Variants in DLG2 observed in about 807,000 individuals in gnomAD.
DLG2 encodes the protein disks large homolog 2.
Under a neutral mutation model 132.5 loss-of-function variants are expected in DLG2, and 45 were observed. That is an observed-to-expected ratio of 0.34 (90% CI 0.27 to 0.44). The LOEUF (loss-of-function observed/expected upper bound fraction) is 0.44. Among genes scored for constraint, DLG2 ranks in the 20% least tolerant of loss-of-function variants. DLG2 has a pLI of 1.00. For synonymous variants in DLG2, 424 were observed against 419.6 expected, an observed-to-expected ratio of 1.01 and a Z score of -0.13; for missense variants, 1,045 against 1,196.9, an observed-to-expected ratio of 0.87 and a Z score of 1.87.
chr11:83,797,222 GAA>G (rs2153927145), intron 17 of DLG2, among the ~76,000 whole-genome samples: 1 of 86,674 alleles, frequency 1.2e-5, no homozygotes, highest in African/African-American at 6.2e-5. Context: ...TGAAGGAAAA[GAA>G]GAAGAAGAAG....
intron 4 of DLG2, among the ~76,000 whole-genome samples, chr11:85,249,033 T>A (rs1282585860): frequency 6.6e-6 from 1 of 152,104 alleles, no homozygotes; most frequent in Non-Finnish European, 1.5e-5. Flanking sequence ...GGATTTTTTT[T>A]AAAGAGTGTA....
At chr11:84,518,842 A>C (rs1380998043) in intron 7 of DLG2, among the ~76,000 whole-genome samples, 1 of 152,176 alleles carries the variant, frequency 6.6e-6, no homozygotes, top group African/African-American at 2.4e-5. Flanking sequence ...ATCCAAATCA[A>C]AGCTATGAAA....
At chr11:83,595,892 C>T (rs753373477) in intron 19 of DLG2, among the ~76,000 whole-genome samples, 10 of 152,076 alleles carry the variant, frequency 6.6e-5, no homozygotes, top group Non-Finnish European at 1.3e-4. Flanking sequence ...GAGATGATGT[C>T]GTAATAGGTG....
intron 6 of DLG2, among the ~76,000 whole-genome samples, chr11:84,669,753 G>A (rs1276951327): frequency 6.6e-6 from 1 of 152,132 alleles, no homozygotes; most frequent in African/African-American, 2.4e-5. Flanking sequence ...CAAATGGACT[G>A]TCAGAAGAAG....
intron 3 of DLG2, among the ~76,000 whole-genome samples, chr11:85,308,185 T>TAATATAAAAC (rs1362306426): frequency 2.1e-5 from 3 of 143,978 alleles, no homozygotes; most frequent in Admixed American, 6.9e-5. Context: ...TAAAATAAAA[T>TAATATAAAAC]AAAATAAAAT....
At chr11:83,692,416 A>T (rs2081148075) in intron 18 of DLG2, among the ~76,000 whole-genome samples, 1 of 152,256 alleles carries the variant, frequency 6.6e-6, no homozygotes, top group African/African-American at 2.4e-5. Context: ...TTCTGTTTAT[A>T]TGAAATGCCT....
chr11:83,628,676 G>A (rs143701241), intron 19 of DLG2, among the ~76,000 whole-genome samples: 330 of 152,204 alleles, frequency 2.2e-3, no homozygotes, highest in Middle Eastern at 0.02. Context: ...TCTGCATCAG[G>A]GATAACTGCC....
intron 22 of DLG2, among the ~76,000 whole-genome samples, chr11:83,476,824 T>C (rs147445723): frequency 7.9e-4 from 120 of 152,268 alleles, no homozygotes; most frequent in Non-Finnish European, 1.4e-3. Flanking sequence ...ATGGGGCTAT[T>C]AATGTAAAAC....
chr11:84,255,754 C>A (rs1000642569), intron 7 of DLG2, among the ~76,000 whole-genome samples: 39 of 151,826 alleles, frequency 2.6e-4, no homozygotes, highest in African/African-American at 9.0e-4. Flanking sequence ...TATGAAAAAT[C>A]TAGAACAAAA....
At chr11:85,433,900 T>C (rs1296521507) in intron 3 of DLG2, among the ~76,000 whole-genome samples, 1 of 152,168 alleles carries the variant, frequency 6.6e-6, no homozygotes, top group Non-Finnish European at 1.5e-5. Flanking sequence ...TACTGTAAAA[T>C]TGACCACATA....
intron 9 of DLG2, among the ~76,000 whole-genome samples, chr11:84,145,495 T>C (rs978885252): frequency 2.6e-5 from 4 of 152,210 alleles, no homozygotes; most frequent in Non-Finnish European, 4.4e-5. Flanking sequence ...ATTATAATCT[T>C]ATGGGACCAC....
chr11:84,313,677 GAAAGAAAGAAAA>G (rs1187855737), intron 7 of DLG2, among the ~76,000 whole-genome samples: 1 of 150,140 alleles, frequency 6.7e-6, no homozygotes, highest in African/African-American at 2.5e-5. Context: ...AAGAAAGAAA[GAAAGAAAGAAAA>G]AGAAAGAGGA....
intron 6 of DLG2, among the ~76,000 whole-genome samples, chr11:84,781,598 C>T (rs1057328715): frequency 3.3e-5 from 5 of 152,188 alleles, no homozygotes; most frequent in African/African-American, 1.2e-4. Context: ...TATAAACATA[C>T]TACTTCTTAT....
intron 6 of DLG2, among the ~76,000 whole-genome samples, chr11:84,839,781 AC>A (rs1305798794): frequency 1.3e-5 from 2 of 152,150 alleles, no homozygotes; most frequent in East Asian, 3.9e-4. Context: ...AAAACTGGCT[AC>A]CCATATGTAG....
chr11:83,960,175 G>A (rs1450452823), intron 14 of DLG2, among the ~76,000 whole-genome samples: 1 of 151,952 alleles, frequency 6.6e-6, no homozygotes, highest in Non-Finnish European at 1.5e-5. Context: ...TGCCTACACA[G>A]TTTTCAAGTA....
chr11:85,464,388 C>A (rs1342143623), intron 3 of DLG2, among the ~76,000 whole-genome samples: 1 of 151,970 alleles, frequency 6.6e-6, no homozygotes, highest in South Asian at 2.1e-4. Context: ...TTTTTACGGA[C>A]AACTTGGTGG....
chr11:85,521,037 T>C (rs1295410672), intron 3 of DLG2, among the ~76,000 whole-genome samples: 1 of 152,108 alleles, frequency 6.6e-6, no homozygotes, highest in Non-Finnish European at 1.5e-5. Context: ...GTTAAAAAGT[T>C]TCCGCATAGC....
At chr11:85,421,153 G>A (rs1213767840) in intron 3 of DLG2, among the ~76,000 whole-genome samples, 1 of 152,110 alleles carries the variant, frequency 6.6e-6, no homozygotes, top group African/African-American at 2.4e-5. Flanking sequence ...GAAAAGCATA[G>A]TATCGGAGCC....
At chr11:84,545,694 T>A in intron 6 of DLG2, 1 of 285,358 alleles carries the variant, frequency 3.5e-6, no homozygotes, top group African/African-American at 2.3e-5. Flanking sequence ...CGGTCATTCA[T>A]GATTTCAGTC....
Sources: gnomAD v4.1 joint callset for allele counts (sites outside exome capture counted in the v4.1 genomes callset) on GRCh38, gnomAD v4.1.1 for gene constraint, MANE v1.5 for transcripts, NCBI Gene and HGNC (gene_info 2026-07-23, HGNC 2026-07-21) for gene names.